Variants in NLGN4X observed in about 807,000 individuals in gnomAD.
The protein encoded by NLGN4X is neuroligin-4, X-linked.
A neutral mutation model predicts 40.3 loss-of-function variants in NLGN4X; 3 were observed. That is an observed-to-expected ratio of 0.07 (90% CI 0.03 to 0.19). The LOEUF (loss-of-function observed/expected upper bound fraction) is 0.19. NLGN4X is among the 10% of genes least tolerant of loss of function. NLGN4X has a pLI of 1.00. For missense variants in NLGN4X, 382 were observed against 708.3 expected (o/e 0.54, Z 5.23); for synonymous variants, 270 against 306.8 (o/e 0.88, Z 1.25).
chrX:6,222,458 C>T (rs1925798665), intron 1 of NLGN4X, among the ~76,000 whole-genome samples: 1 of 111,892 alleles, frequency 8.9e-6, no homozygotes, highest in African/African-American at 3.2e-5. Context: ...TTAAATAAAA[C>T]AACCCAAACA....
At chrX:6,070,342 A>G (rs1037923286) in intron 2 of NLGN4X, among the ~76,000 whole-genome samples, 2 of 112,426 alleles carry the variant, frequency 1.8e-5, no homozygotes, top group Non-Finnish European at 3.7e-5. Flanking sequence ...CAAATTTTAG[A>G]AGCACATAGT....
At chrX:5,969,334 C>A (rs201383685) in intron 3 of NLGN4X, among the ~76,000 whole-genome samples, 18,035 of 110,041 alleles carry the variant, frequency 0.16, 1,180 homozygotes, top group East Asian at 0.27. Flanking sequence ...CAAGAAAAAA[C>A]AAAACAACCC....
At chrX:6,116,496 G>GC (rs1482956862) in intron 2 of NLGN4X, among the ~76,000 whole-genome samples, 70 of 76,096 alleles carry the variant, frequency 9.2e-4, no homozygotes, top group African/African-American at 3.1e-3. Flanking sequence ...GTTCACTGCA[G>GC]CCCCCGCCTC....
At chrX:6,005,492 T>A (rs969189707) in intron 3 of NLGN4X, among the ~76,000 whole-genome samples, 1 of 111,223 alleles carries the variant, frequency 9.0e-6, no homozygotes, top group South Asian at 3.9e-4. Flanking sequence ...CACACAGCCC[T>A]GGGTTGTCTT....
chrX:6,224,759 G>A (rs1363439970), intron 1 of NLGN4X, among the ~76,000 whole-genome samples: 1 of 108,254 alleles, frequency 9.2e-6, no homozygotes, highest in East Asian at 2.9e-4. Context: ...AAGAAAAGTA[G>A]CAATTCTTCC....
At chrX:5,922,899 T>C (rs1170683596) in intron 3 of NLGN4X, among the ~76,000 whole-genome samples, 1 of 111,011 alleles carries the variant, frequency 9.0e-6, no homozygotes, top group African/African-American at 3.3e-5. Context: ...AATAAAAAAT[T>C]AAAAAACAAG....
intron 3 of NLGN4X, among the ~76,000 whole-genome samples, chrX:5,956,226 TATAA>T (rs776633427): frequency 5.3e-4 from 57 of 108,535 alleles, no homozygotes; most frequent in Middle Eastern, 9.6e-3. Context: ...CACACATATA[TATAA>T]ATATATAATT....
chrX:6,216,665 TTTTG>T (rs201919548), intron 1 of NLGN4X, among the ~76,000 whole-genome samples: 12,937 of 112,018 alleles, frequency 0.12, 593 homozygotes, highest in East Asian at 0.17. Context: ...TCTGTTTGGT[TTTTG>T]TTTGTTTGTT....
At chrX:6,192,581 G>A (rs928515532) in intron 1 of NLGN4X, among the ~76,000 whole-genome samples, 1 of 111,910 alleles carries the variant, frequency 8.9e-6, no homozygotes, top group Non-Finnish European at 1.9e-5. Context: ...GATCCTTCTT[G>A]GATGCCTCTT....
At chrX:5,943,172 T>C (rs894356931) in intron 3 of NLGN4X, among the ~76,000 whole-genome samples, 2 of 111,401 alleles carry the variant, frequency 1.8e-5, no homozygotes, top group Non-Finnish European at 3.8e-5. Flanking sequence ...CTGCCACTGC[T>C]GGCTTTGAAG....
intron 3 of NLGN4X, among the ~76,000 whole-genome samples, chrX:6,023,652 G>A (rs192898675): frequency 9.5e-4 from 106 of 111,874 alleles, no homozygotes; most frequent in Non-Finnish European, 4.9e-4. Flanking sequence ...ACTCTTCCAA[G>A]GGAGTTTACG....
rs1279601653 is a variant in NLGN4X at position 5,892,867 on chromosome X, C to T, written c.2401G>A (p.Gly801Arg). 1 of 1,211,246 alleles carries T rather than the reference C, an allele frequency of 8.3e-7. No individual in the cohort carries two copies. Among genetic ancestry groups the T allele is most frequent in the Non-Finnish European group, 1.1e-6 (1 of 895,371 alleles). ...PLHTFNTFSG[G>R]QNSTNLPHGH... The stretch of plus-strand genomic sequence containing the variant: ...TGGGGTAAATTTGTACTGTTTTGTC[C>T]TCCACTGAAGGTGTTAAAAGTGTGC... Residue 801 changes from glycine to arginine, a missense_variant, in exon 6 of 6, where the codon GGA becomes AGA. Gly to Arg is a moderately radical substitution (Grantham distance 125, BLOSUM62 -2). This residue lies in a region of NLGN4X where 57 missense variants were observed against 65.6 expected (regional missense o/e 0.87). Transcript: ENST00000381095.
intron 1 of NLGN4X, among the ~76,000 whole-genome samples, chrX:6,227,426 T>C (rs754338430): frequency 1.0e-4 from 11 of 107,690 alleles, no homozygotes; most frequent in Non-Finnish European, 1.9e-4. Flanking sequence ...GCTCCGGTAG[T>C]CTGTCCTCGC....
chrX:6,146,199 C>T (rs377432970), intron 2 of NLGN4X, among the ~76,000 whole-genome samples: 19 of 111,509 alleles, frequency 1.7e-4, no homozygotes, highest in African/African-American at 4.9e-4. Context: ...TCTGTTACCA[C>T]GCCACACTTA....
chrX:6,086,579 G>C (rs149029039), intron 2 of NLGN4X, among the ~76,000 whole-genome samples: 91 of 111,648 alleles, frequency 8.2e-4, no homozygotes, highest in African/African-American at 2.8e-3. Context: ...CCAGTATTAC[G>C]GGTTTGGTTA....
Position 6,076,919 on chromosome X carries a change from T to C in NLGN4X, c.473-47487A>G, listed in dbSNP as rs1021827431. On this transcript the variant is annotated intron_variant, in intron 2 of 5. Transcript: ENST00000381095. The stretch of plus-strand genomic sequence containing the variant: ...GTTTAGTGTGTTCATTTCAAATGGC[T>C]GCCAGCTAAAGTTGAAGGACCATGT... Among the ~76,000 whole-genome samples the C allele has an allele frequency of 2.7e-5, 3 of 112,366 alleles. No homozygotes were observed. In the East Asian group the frequency reaches 8.5e-4, roughly 32 times the overall value.
At chrX:6,021,743 G>T (rs867044952) in intron 3 of NLGN4X, among the ~76,000 whole-genome samples, 3 of 102,278 alleles carry the variant, frequency 2.9e-5, no homozygotes, top group Admixed American at 1.0e-4. Context: ...TTTTTTGTTT[G>T]TTTTTTTTTT....
At chrX:5,979,971 ATTTAT>A (rs1479625691) in intron 3 of NLGN4X, among the ~76,000 whole-genome samples, 28 of 106,946 alleles carry the variant, frequency 2.6e-4, no homozygotes, top group African/African-American at 8.1e-4. Context: ...TATTTTAAAT[ATTTAT>A]TTTATTTAAA....
At chrX:6,087,953 AT>A (rs888687001) in intron 2 of NLGN4X, among the ~76,000 whole-genome samples, 2 of 110,677 alleles carry the variant, frequency 1.8e-5, no homozygotes, top group Admixed American at 9.6e-5. Context: ...ATTTTTCTCT[AT>A]TTTTTTGATG....
Sources: allele counts gnomAD v4.1 joint callset (sites outside exome capture counted in the v4.1 genomes callset), GRCh38; gene constraint gnomAD v4.1.1; regional missense constraint gnomAD v4.1.1; transcripts MANE v1.5; gene names NCBI Gene and HGNC (gene_info 2026-07-23, HGNC 2026-07-21).